CSGALNACT1: variants seen among roughly 807,000 people sequenced by gnomAD.
CSGALNACT1 encodes beta4GalNAcT-1.
CSGALNACT1 carries 52 observed loss-of-function variants against 51.0 expected under a neutral mutation model. The observed-to-expected ratio is 1.02, with a 90% confidence interval of 0.82 to 1.29. The LOEUF is 1.29. CSGALNACT1 is among the 50% of genes most tolerant of loss of function. The probability of loss-of-function intolerance (pLI) is 0.00; values close to 1 mark genes in which losing one functional copy is unlikely to be tolerated. For synonymous variants in CSGALNACT1, 341 were observed against 254.4 expected, an observed-to-expected ratio of 1.34 and a Z score of -3.24; for missense variants, 935 against 679.2, an observed-to-expected ratio of 1.38 and a Z score of -4.19.
intron 3 of CSGALNACT1, among the ~76,000 whole-genome samples, chr8:19,516,860 C>A (rs1372098101): frequency 6.6e-6 from 1 of 152,144 alleles, no homozygotes; most frequent in Non-Finnish European, 1.5e-5. Flanking sequence ...GTGAACACAG[C>A]GGCCACGGCA....
chr8:19,491,712 C>T (rs552676524), intron 4 of CSGALNACT1, among the ~76,000 whole-genome samples: 8 of 152,302 alleles, frequency 5.3e-5, no homozygotes, highest in East Asian at 1.9e-4. Flanking sequence ...TGCTCATATG[C>T]ATCTTGAACC....
In CSGALNACT1 at chr8:19,740,376, C is replaced by T. The variant is rs118183289; in HGVS notation, c.-297+17474G>A. ...TCCAGGCAGCCTCAAAGCAGCTGCTCTCTCTAGGCTTGGGGTGGGGGCAGC... is the reference window on the plus strand; with the variant it reads ...TCCAGGCAGCCTCAAAGCAGCTGCTTTCTCTAGGCTTGGGGTGGGGGCAGC... On this transcript the variant is annotated intron_variant, in intron 1 of 1. Coordinates refer to the CSGALNACT1 transcript ENST00000517494. 9.3e-4 allele frequency among the ~76,000 whole-genome samples: 142 copies of T among 152,368 alleles called. 1 individual carries two copies. The East Asian group carries it at 0.021, about 22-fold the overall frequency.
At chr8:19,756,227 A>T (rs971349751) in intron 1 of CSGALNACT1, among the ~76,000 whole-genome samples, 21 of 147,836 alleles carry the variant, frequency 1.4e-4, no homozygotes, top group Admixed American at 1.1e-3. Context: ...TTTCCAGTTT[A>T]AAAAAAAAAA....
chr8:19,578,253 C>A (rs2044734233), intron 3 of CSGALNACT1, among the ~76,000 whole-genome samples: 1 of 152,198 alleles, frequency 6.6e-6, no homozygotes. Context: ...TTATCACTCT[C>A]AAAAGTCCAG....
chr8:19,497,318 G>C (rs1042114576), intron 4 of CSGALNACT1, among the ~76,000 whole-genome samples: 1 of 152,114 alleles, frequency 6.6e-6, no homozygotes, highest in Non-Finnish European at 1.5e-5. Flanking sequence ...CTCAATTGCA[G>C]GGCTGAACAG....
At chr8:19,546,319 G>C (rs142168353) in intron 3 of CSGALNACT1, among the ~76,000 whole-genome samples, 1 of 151,968 alleles carries the variant, frequency 6.6e-6, no homozygotes, top group Non-Finnish European at 1.5e-5. Context: ...TCAATATTAC[G>C]GCTTTTATTT....
chr8:19,634,829 T>C (rs2055803336), intron 1 of CSGALNACT1, among the ~76,000 whole-genome samples: 1 of 152,090 alleles, frequency 6.6e-6, no homozygotes, highest in Non-Finnish European at 1.5e-5. Context: ...TATGAGAAAA[T>C]TCTCTTGCAT....
intron 1 of CSGALNACT1, among the ~76,000 whole-genome samples, chr8:19,614,843 C>A (rs1310807796): frequency 1.3e-5 from 2 of 152,174 alleles, no homozygotes; most frequent in Non-Finnish European, 2.9e-5. Flanking sequence ...CCCTTGCTGG[C>A]CACTGGCTGG....
intron 3 of CSGALNACT1, among the ~76,000 whole-genome samples, chr8:19,553,826 G>A (rs2088937056): frequency 6.6e-6 from 1 of 151,294 alleles, no homozygotes. Context: ...TCAGAGAGCT[G>A]AGAAAACATT....
At chr8:19,713,112 G>A (rs141944015) in intron 1 of CSGALNACT1, among the ~76,000 whole-genome samples, 1 of 152,262 alleles carries the variant, frequency 6.6e-6, no homozygotes, top group East Asian at 1.9e-4. Flanking sequence ...TGATTGTAAT[G>A]GTTTTCTCTG....
chr8:19,413,545 G>A (rs1189020998), intron 8 of CSGALNACT1, among the ~76,000 whole-genome samples: 1 of 152,212 alleles, frequency 6.6e-6, no homozygotes, highest in Non-Finnish European at 1.5e-5. Flanking sequence ...TGAATAAATA[G>A]AAACAGAATG....
intron 5 of CSGALNACT1, chr8:19,457,810 A>G (rs750442940): frequency 5.2e-6 from 7 of 1,351,174 alleles, no homozygotes; most frequent in Non-Finnish European, 6.9e-6. Context: ...AAACTTCATC[A>G]GCAGGCCTGA....
At chr8:19,565,509 G>A (rs2041725677) in intron 3 of CSGALNACT1, among the ~76,000 whole-genome samples, 2 of 152,184 alleles carry the variant, frequency 1.3e-5, no homozygotes, top group Admixed American at 6.5e-5. Context: ...ATCCTCTGAT[G>A]ATCAATTTTA....
intron 1 of CSGALNACT1, among the ~76,000 whole-genome samples, chr8:19,623,398 C>A (rs1003673538): frequency 6.6e-6 from 1 of 152,188 alleles, no homozygotes; most frequent in Non-Finnish European, 1.5e-5. Context: ...TGTTTCTATA[C>A]TTTTGCTTTT....
At chr8:19,526,560 T>G (rs1587843004) in intron 3 of CSGALNACT1, among the ~76,000 whole-genome samples, 1 of 152,076 alleles carries the variant, frequency 6.6e-6, no homozygotes, top group East Asian at 1.9e-4. Context: ...TCCAGCTTGG[T>G]GACAGAGCGA....
In CSGALNACT1 at chr8:19,439,912, C is replaced by T. The variant is rs769645479; in HGVS notation, c.871G>A (p.Asp291Asn). ...ACAACAGTGAGATGGACTCTCCCAT[C>T]CTGCTCAATGCACATCTCCCTGGAA... The change falls in exon 6 of 10, where the codon GAT (aspartate) becomes AAT (asparagine). Residue 291 changes from aspartate (D) to asparagine (N), a missense_variant. Physicochemically the swap from Asp to Asn is conservative, Grantham distance 23. Coordinates refer to ENST00000454498, the Ensembl canonical transcript of CSGALNACT1. 2.5e-6 allele frequency: 4 copies of T among 1,613,960 alleles called. No individual in the cohort carries two copies. The African/African-American group carries it at 5.3e-5, about 22-fold the overall frequency.
chr8:19,629,606 T>G (rs1173311779), intron 1 of CSGALNACT1, among the ~76,000 whole-genome samples: 1 of 152,232 alleles, frequency 6.6e-6, no homozygotes, highest in African/African-American at 2.4e-5. Context: ...ACTTGGAGAT[T>G]TGTGGACTTT....
chr8:19,740,761 C>A (rs1414810186), intron 1 of CSGALNACT1, among the ~76,000 whole-genome samples: 2 of 152,082 alleles, frequency 1.3e-5, no homozygotes, highest in Non-Finnish European at 2.9e-5. Context: ...GCAGTTACCC[C>A]TGGGGTGAGG....
chr8:19,460,020 A>G (rs1406403453), intron 4 of CSGALNACT1, among the ~76,000 whole-genome samples: 1 of 152,198 alleles, frequency 6.6e-6, no homozygotes, highest in African/African-American at 2.4e-5. Flanking sequence ...TGTAAGGATC[A>G]AATGATTTCC....
Sources: allele counts gnomAD v4.1 joint callset (sites outside exome capture counted in the v4.1 genomes callset), GRCh38; gene constraint gnomAD v4.1.1; transcripts MANE v1.5; gene names NCBI Gene and HGNC (gene_info 2026-07-23, HGNC 2026-07-21).